The following CDK13 variants were observed in gnomAD, a reference collection of about 807,000 sequenced individuals.
The protein encoded by CDK13 is cyclin dependent kinase 13.
In CDK13, 40 loss-of-function variants were observed where a neutral mutation model predicts 137.6. The observed-to-expected ratio is 0.29, with a 90% confidence interval of 0.23 to 0.38. The LOEUF is 0.38. Among genes scored for constraint, CDK13 ranks in the 10% least tolerant of loss-of-function variants. The pLI, the probability that CDK13 is intolerant of heterozygous loss-of-function variation, is 1.00. For missense variants in CDK13, 1,704 were observed against 1,951.8 expected, an observed-to-expected ratio of 0.87 and a Z score of 2.39; for synonymous variants, 869 against 760.1, an observed-to-expected ratio of 1.14 and a Z score of -2.36.
intron 1 of CDK13, among the ~76,000 whole-genome samples, chr7:39,971,152 T>G (rs1345495091): frequency 6.6e-6 from 1 of 152,260 alleles, no homozygotes; most frequent in Admixed American, 6.5e-5. Context: ...TTGTGGTTCT[T>G]AAGCACCTAG....
Position 39,996,961 on chromosome 7 carries a change from C to CAAAAAA in CDK13, c.1872-523_1872-518dup, listed in dbSNP as rs72210233. Among the ~76,000 whole-genome samples the CAAAAAA allele has an allele frequency of 3.8e-3, 313 of 83,108 alleles. 37 individuals carry two copies. Among genetic ancestry groups the CAAAAAA allele is most frequent in the African/African-American group, 0.017 (219 of 12,666 alleles). 54.5% of individuals were successfully genotyped at this position (83,108 alleles called of 152,430 possible). On this transcript the variant is annotated intron_variant, in intron 2 of 13. Coordinates refer to ENST00000181839, the MANE Select transcript of CDK13 (RefSeq NM_003718.5). Reference sequence around the variant, plus strand: ...CTTGGGTGACAGTGAGATTCCATCTCAAAAAAAAAAAAAAAGAAAAAAAAA... The same window carrying CAAAAAA: ...CTTGGGTGACAGTGAGATTCCATCTCAAAAAAAAAAAAAAAAAAAAAGAAAAAAAAA...
rs1469921868 is a variant in CDK13, at chr7:39,951,437, A to G, written c.796A>G (p.Ser266Gly). Residue 266 changes from serine to glycine, a missense_variant, in exon 1 of 14, where the codon AGC (serine) becomes GGC (glycine). By Grantham distance (56) the Ser-to-Gly change is moderately conservative (BLOSUM62 0). Transcript: ENST00000181839. ...CCGGAAAAGCGCTTCGGCCACATCC[A>G]GCAGCAGTAGCAGCCGCAAGGACCG... ...GRRKSASATS[S>G]SSSSRKDRDS... The G allele has an allele frequency of 2.0e-6, 3 of 1,535,448 alleles. No individual in the cohort carries two copies. In the Admixed American group the frequency reaches 6.1e-5, roughly 31 times the overall value.
intron 1 of CDK13, among the ~76,000 whole-genome samples, chr7:39,954,084 A>G (rs918688634): frequency 6.6e-6 from 1 of 152,234 alleles, no homozygotes; most frequent in African/African-American, 2.4e-5. Context: ...CCTTCGAACC[A>G]TTGCTCCAAG....
At chr7:39,970,312 T>A (rs893748142) in intron 1 of CDK13, among the ~76,000 whole-genome samples, 10 of 152,010 alleles carry the variant, frequency 6.6e-5, no homozygotes, top group Non-Finnish European at 1.0e-4. Flanking sequence ...GATTTATGCA[T>A]TTTATGTCCA....
rs34922492 is a variant in CDK13, at chr7:40,030,422, ATTTTTTTTTT to A, written c.2354-15396_2354-15387del. Among the ~76,000 whole-genome samples, 328 of 66,020 alleles carry A rather than the reference ATTTTTTTTTT, an allele frequency of 5.0e-3. 2 individuals carry two copies. Among genetic ancestry groups the A allele is most frequent in the African/African-American group, 0.013 (311 of 23,042 alleles). The allele number at this position is 66,020 out of a possible 152,430, so 43.3% of individuals were successfully genotyped here. A position where few individuals can be genotyped will look rare whatever the true frequency, so the allele number is the denominator to read the frequency against. ...ACCCCTGCAACTCTGGCAACCACTG[ATTTTTTTTTT>A]TTTTTTTTTTTTTTTTTGAGATAAG... On this transcript the variant is annotated intron_variant, in intron 5 of 13. Coordinates refer to ENST00000181839, the MANE Select transcript of CDK13 (RefSeq NM_003718.5).
chr7:40,028,626 C>T (rs1409847390), intron 5 of CDK13, among the ~76,000 whole-genome samples: 1 of 152,082 alleles, frequency 6.6e-6, no homozygotes, highest in African/African-American at 2.4e-5. Flanking sequence ...ATTTATTCCC[C>T]TGATGGTGGT....
intron 1 of CDK13, among the ~76,000 whole-genome samples, chr7:39,964,265 G>C (rs1783815687): frequency 6.6e-6 from 1 of 152,024 alleles, no homozygotes; most frequent in Admixed American, 6.6e-5. Flanking sequence ...TTTTTTGGTT[G>C]GTAAGCTATT....
intron 7 of CDK13, among the ~76,000 whole-genome samples, chr7:40,049,745 A>G (rs1226709250): frequency 6.6e-6 from 1 of 152,006 alleles, no homozygotes; most frequent in African/African-American, 2.4e-5. Flanking sequence ...CATACTCCCT[A>G]TGCCCCGTAT....
At position 40,045,898 on chromosome 7, in the gene CDK13, T is replaced by C; in HGVS notation, c.2416T>C (p.Leu806=). The change falls in exon 6 of 14, where the codon TTG becomes CTG. Residue 806 remains leucine, a synonymous_variant. Transcript: ENST00000181839. ...TCTGATGGGACTACTGGAATCAGGC[T>C]TGGTTCATTTTAATGAAAATCACAT... ...HDLMGLLESG[L]VHFNENHIKS... 1 of 1,613,212 alleles carries C rather than the reference T, an allele frequency of 6.2e-7. No individual in the cohort carries two copies. Among genetic ancestry groups the C allele is most frequent in the Non-Finnish European group, 8.5e-7 (1 of 1,179,260 alleles).
At chr7:39,961,804 A>C (rs1158594827) in intron 1 of CDK13, among the ~76,000 whole-genome samples, 1 of 151,674 alleles carries the variant, frequency 6.6e-6, no homozygotes, top group Non-Finnish European at 1.5e-5. Flanking sequence ...ACCCCACAAC[A>C]GTCCCCAGAG....
At chr7:39,955,515 G>C (rs1036819707) in intron 1 of CDK13, among the ~76,000 whole-genome samples, 5 of 152,064 alleles carry the variant, frequency 3.3e-5, no homozygotes, top group Admixed American at 2.6e-4. Context: ...TTGAAATTTA[G>C]TTGGCATTCA....
chr7:39,966,184 G>A (rs955353618), intron 1 of CDK13, among the ~76,000 whole-genome samples: 3 of 151,164 alleles, frequency 2.0e-5, no homozygotes, highest in South Asian at 4.1e-4. Flanking sequence ...GATTAGGGAA[G>A]TTCTCCTGGA....
chr7:39,980,180 A>C (rs1019900292), intron 1 of CDK13, among the ~76,000 whole-genome samples: 2 of 152,218 alleles, frequency 1.3e-5, no homozygotes, highest in African/African-American at 4.8e-5. Flanking sequence ...AAAATGAGAC[A>C]ATTAAGAGGT....
Position 40,077,980 on chromosome 7 carries a change from G to A in CDK13, c.2781-25G>A, listed in dbSNP as rs778014983. On this transcript the variant is annotated intron_variant, in intron 9 of 13. Coordinates refer to ENST00000181839, the MANE Select transcript of CDK13 (RefSeq NM_003718.5). ...TATTCTTTATGTAGTTGATAGTGAT[G>A]TACTTCCTTTTGTGTGTTGCTTAGC... 17 of 1,064,450 alleles carry A rather than the reference G, an allele frequency of 1.6e-5. No homozygotes were observed. The South Asian group carries it at 2.8e-4, about 18-fold the overall frequency. The allele number at this position is 1,064,450 out of a possible 1,614,324, so 65.9% of individuals were successfully genotyped here.
At chr7:40,007,608 A>G (rs1012709385) in intron 5 of CDK13, among the ~76,000 whole-genome samples, 1 of 151,932 alleles carries the variant, frequency 6.6e-6, no homozygotes, top group Non-Finnish European at 1.5e-5. Flanking sequence ...TTCTATTTTT[A>G]GTAGAGACGG....
intron 1 of CDK13, among the ~76,000 whole-genome samples, chr7:39,960,331 C>G (rs1389507938): frequency 6.6e-6 from 1 of 151,906 alleles, no homozygotes; most frequent in Non-Finnish European, 1.5e-5. Flanking sequence ...TCTCGGCTCA[C>G]TGCAAGCTCC....
intron 2 of CDK13, among the ~76,000 whole-genome samples, chr7:39,989,086 CAAAAA>C (rs1213730855): frequency 1.5e-4 from 7 of 46,680 alleles, no homozygotes; most frequent in African/African-American, 2.8e-4. Flanking sequence ...CGTGTCTCAC[CAAAAA>C]AAAAAAAAAA....
At position 39,951,537 on chromosome 7, in the gene CDK13, C is replaced by A. The variant is rs751967639; in HGVS notation, c.896C>A (p.Ala299Asp). The change falls in exon 1 of 14, where the codon GCC becomes GAC. Residue 299 changes from alanine (A) to aspartate (D), a missense_variant. Coordinates refer to ENST00000181839, the MANE Select transcript of CDK13 (RefSeq NM_003718.5). The part of the protein sequence containing the change: ...PPSAYKEPPK[A>D]YREDKTEPKA... ...TCGGCCTACAAGGAACCGCCCAAGG[C>A]CTACCGGGAGGACAAGACCGAGCCT... 2 of 1,536,726 alleles carry A rather than the reference C, an allele frequency of 1.3e-6. No homozygotes were observed. Among genetic ancestry groups the A allele is most frequent in the East Asian group, 2.6e-5 (1 of 39,080 alleles).
At chr7:40,037,265 A>G (rs1363662220) in intron 5 of CDK13, among the ~76,000 whole-genome samples, 8 of 152,130 alleles carry the variant, frequency 5.3e-5, no homozygotes, top group Non-Finnish European at 1.0e-4. Context: ...TTGGCTTGGC[A>G]GTTTTGGTTT....
Sources: gnomAD v4.1 joint callset for allele counts (sites outside exome capture counted in the v4.1 genomes callset) on GRCh38, gnomAD v4.1.1 for gene constraint, MANE v1.5 for transcripts, NCBI Gene and HGNC (gene_info 2026-07-23, HGNC 2026-07-21) for gene names.